The following SART3 variants were observed in gnomAD, a reference collection of about 807,000 sequenced individuals.
SART3 encodes HIV-1 Tat-interacting protein of 110kDa.
In SART3, 44 loss-of-function variants were observed where a neutral mutation model predicts 122.3. The ratio of observed to expected loss-of-function variants is 0.36; its 90% CI spans 0.28 to 0.46. SART3 has a LOEUF of 0.46. Among genes scored for constraint, SART3 ranks in the 20% least tolerant of loss-of-function variants. The probability of loss-of-function intolerance (pLI) is 1.00; values close to 1 mark genes in which losing one functional copy is unlikely to be tolerated. For synonymous variants in SART3, 442 were observed against 454.0 expected (o/e 0.97, Z 0.34); for missense variants, 1,101 against 1,229.0 (o/e 0.90, Z 1.56).
chr12:108,542,171 T>C (rs188322098), intron 6 of SART3, among the ~76,000 whole-genome samples: 1 of 152,146 alleles, frequency 6.6e-6, no homozygotes, highest in East Asian at 1.9e-4. Flanking sequence ...CGCACAAAAA[T>C]TTGAATGGCC....
At chr12:108,550,142 CTA>C (rs2136690439) in intron 1 of SART3, among the ~76,000 whole-genome samples, 2 of 150,866 alleles carry the variant, frequency 1.3e-5, no homozygotes, top group East Asian at 3.9e-4. Context: ...ACTTTTCAAA[CTA>C]AAATTATTTT....
chr12:108,532,882 T>C (rs1872745550), intron 12 of SART3, among the ~76,000 whole-genome samples: 1 of 152,094 alleles, frequency 6.6e-6, no homozygotes, highest in African/African-American at 2.4e-5. Flanking sequence ...GCCTCCTGAG[T>C]AGCTGGGATT....
chr12:108,544,591 A>C (rs1873318058), intron 4 of SART3, 113 bp from the exon 5 acceptor site: 3 of 1,481,492 alleles, frequency 2.0e-6, no homozygotes, highest in South Asian at 2.3e-5. Context: ...TCTTTTGAGA[A>C]GGGTTCTTGC....
chr12:108,544,368 T>TC (rs1873307458), intron 5 of SART3, 59 bp downstream of exon 5: 1 of 1,443,070 alleles, frequency 6.9e-7, no homozygotes, highest in African/African-American at 1.4e-5. Flanking sequence ...TACATGTTGT[T>TC]CCCCAAAGCA....
Position 108,526,495 on chromosome 12 carries a change from T to C in SART3, c.1974A>G (p.Gln658=). ...CGGGCCCTGCTGCTACTTCTACATT[T>C]TGTGTTTCTCCAGCTGCAGGGATGC... ...ENSIPAAGET[Q]NVEVAAGPAG... Residue 658 remains glutamine (Q), a synonymous_variant, in exon 16 of 19, where the codon CAA becomes CAG. Transcript: ENST00000546815. 4.3e-6 allele frequency: 7 copies of C among 1,614,128 alleles called. No homozygotes were observed. The highest frequency in any genetic ancestry group is 5.9e-6 in the Non-Finnish European group (7 of 1,180,036).
chr12:108,536,406 T>G, intron 11 of SART3, 108 bp downstream of exon 11: 1 of 1,086,770 alleles, frequency 9.2e-7, no homozygotes, highest in Non-Finnish European at 1.4e-6. Context: ...TAAATCCTTA[T>G]AGAGCTTAGG....
At position 108,523,361 on chromosome 12, in the gene SART3, C is replaced by T. The variant is rs1872213092; in HGVS notation, c.*96G>A. The T allele has an allele frequency of 7.6e-7, 1 of 1,315,824 alleles. No individual in the cohort carries two copies. Among genetic ancestry groups the T allele is most frequent in the Admixed American group, 1.7e-5 (1 of 59,608 alleles). 81.5% of individuals were successfully genotyped at this position (1,315,824 alleles called of 1,614,324 possible). On this transcript the variant is annotated 3_prime_UTR_variant, in exon 19 of 19. Coordinates refer to ENST00000546815, the MANE Select transcript of SART3 (RefSeq NM_014706.4). Reference sequence around the variant, plus strand: ...GCCATCTGTGGTTGCGAGCACGCAGCACACCAGGCCTGTCCATCCCCAGTG... The same window carrying T: ...GCCATCTGTGGTTGCGAGCACGCAGTACACCAGGCCTGTCCATCCCCAGTG...
chr12:108,561,072 T>C lies in SART3; in HGVS notation c.83A>G (p.Glu28Gly), dbSNP rs904244085. Residue 28 changes from glutamate to glycine, a missense_variant, in exon 1 of 19, where the codon GAG becomes GGG. Glu to Gly is a moderately conservative substitution (Grantham distance 98, BLOSUM62 -2). Around this residue, in one of 2 missense-constraint regions of SART3, gnomAD observed 216 missense variants for 148.9 expected, o/e 1.45. Coordinates refer to ENST00000546815, the MANE Select transcript of SART3 (RefSeq NM_014706.4). ...AGPKADGEEDEVKAARTRRKV... is the reference protein window; with the variant it reads ...AGPKADGEEDGVKAARTRRKV... ...CCTCCTTGTCCTAGCCGCCTTAACC[T>C]CATCCTCCTCTCCGTCAGCCTTGGG... 1.9e-6 allele frequency: 3 copies of C among 1,613,954 alleles called. No individual in the cohort carries two copies. The highest frequency in any genetic ancestry group is 1.3e-5 in the African/African-American group (1 of 74,896).
At position 108,544,704 on chromosome 12, in the gene SART3, C is replaced by T. The variant is rs1052268732; in HGVS notation, c.730-226G>A. 19 of 649,680 alleles carry T rather than the reference C, an allele frequency of 2.9e-5. No homozygotes were observed. In the East Asian group the frequency reaches 5.2e-4, roughly 18 times the overall value. The allele number at this position is 649,680 out of a possible 1,614,324, so 40.2% of individuals were successfully genotyped here. A position where few individuals can be genotyped will look rare whatever the true frequency, so the allele number is the denominator to read the frequency against. On this transcript the variant is annotated intron_variant, in intron 4 of 18. Transcript: ENST00000546815. ...CCTCAGAGTCCTGAGTAGCTAGGACCACAGGCATACGCCATCATGCCCAGC... is the reference window on the plus strand; with the variant it reads ...CCTCAGAGTCCTGAGTAGCTAGGACTACAGGCATACGCCATCATGCCCAGC...
intron 1 of SART3, among the ~76,000 whole-genome samples, chr12:108,559,039 G>GAAAAAAAAAAAAAAAAAAAAAA (rs747479698): frequency 9.6e-6 from 1 of 103,930 alleles, no homozygotes; most frequent in Non-Finnish European, 1.8e-5. Flanking sequence ...TCTCAAAAAA[G>GAAAAAAAAAAAAAAAAAAAAAA]AAAAAAAAAA....
At chr12:108,546,995 T>C (rs1303690088) in intron 3 of SART3, among the ~76,000 whole-genome samples, 1 of 152,192 alleles carries the variant, frequency 6.6e-6, no homozygotes, top group East Asian at 1.9e-4. Flanking sequence ...AATTTTTGTA[T>C]TTTTAGCAGA....
intron 6 of SART3, chr12:108,542,801 G>C (rs1873228587): frequency 1.6e-6 from 1 of 635,528 alleles, no homozygotes; most frequent in Non-Finnish European, 2.9e-6. Flanking sequence ...GGCAATCGGA[G>C]AGGGGCACAT....
intron 1 of SART3, among the ~76,000 whole-genome samples, chr12:108,550,868 C>T (rs760264001): frequency 2.0e-5 from 3 of 152,004 alleles, no homozygotes; most frequent in Non-Finnish European, 2.9e-5. Flanking sequence ...ATAAATAAAT[C>T]AAGATGAAAA....
intron 16 of SART3, 159 bp from the exon 17 acceptor site, chr12:108,525,768 C>A: frequency 1.4e-6 from 1 of 737,410 alleles, no homozygotes; most frequent in South Asian, 1.5e-5. Flanking sequence ...CGGAGCGAGT[C>A]ACTTAACCTC....
intron 15 of SART3, among the ~76,000 whole-genome samples, chr12:108,528,209 G>A (rs966049201): frequency 2.6e-4 from 39 of 152,198 alleles, no homozygotes; most frequent in African/African-American, 9.4e-4. Context: ...AAGGCCAGGT[G>A]CAGTGTCTCA....
chr12:108,530,390 G>A (rs1354975690), intron 14 of SART3, 80 bp from the exon 15 acceptor site: 1 of 1,499,650 alleles, frequency 6.7e-7, no homozygotes, highest in Non-Finnish European at 9.2e-7. Flanking sequence ...AGGGGAGAAG[G>A]AGTGGAAATT....
At chr12:108,552,144 CG>C (rs2030033124) in intron 1 of SART3, among the ~76,000 whole-genome samples, 2 of 151,828 alleles carry the variant, frequency 1.3e-5, no homozygotes, top group Non-Finnish European at 2.9e-5. Context: ...AATCCAACAA[CG>C]ATTCATGGTT....
At chr12:108,532,372 C>G in intron 12 of SART3, 38 bp from the exon 13 acceptor site, 1 of 1,583,292 alleles carries the variant, frequency 6.3e-7, no homozygotes, top group South Asian at 1.1e-5. Flanking sequence ...CACCAGGACA[C>G]AAAGTGGAAG....
Position 108,537,527 on chromosome 12 carries a change from A to G in SART3, c.1270T>C (p.Tyr424His), listed in dbSNP as rs539860375. The stretch of plus-strand genomic sequence containing the variant: ...ACCCTTCTCCTCAGGTAATCAAGGT[A>G]TGCCTGCCAAATCTCCACATAATCA... ...ATDYVEIWQA[Y>H]LDYLRRRVDF... is the part of the protein sequence containing the mutation. The change falls in exon 9 of 19, where the codon TAC becomes CAC. Residue 424 changes from tyrosine to histidine, a missense_variant. Physicochemically the swap from Tyr to His is moderately conservative, Grantham distance 83. Transcript: ENST00000546815. 17 of 1,614,006 alleles carry G rather than the reference A, an allele frequency of 1.1e-5. No homozygotes were observed. Among genetic ancestry groups the G allele is most frequent in the Middle Eastern group, 1.6e-4 (1 of 6,084 alleles).
Sources: allele counts gnomAD v4.1 joint callset (sites outside exome capture counted in the v4.1 genomes callset), GRCh38; gene constraint gnomAD v4.1.1; regional missense constraint gnomAD v4.1.1; transcripts MANE v1.5; gene names NCBI Gene and HGNC (gene_info 2026-07-23, HGNC 2026-07-21).